The following RTL4 variants were observed in gnomAD, a reference collection of about 807,000 sequenced individuals.
The protein encoded by RTL4 is retrotransposon Gag like 4, also known as retrotransposon Gag-like protein 4.
A neutral mutation model predicts 5.3 loss-of-function variants in RTL4; 4 were observed. That is an observed-to-expected ratio of 0.75 (90% CI 0.37 to 1.72). RTL4 has a LOEUF of 1.72. Among genes scored for constraint, RTL4 ranks in the 40% most tolerant of loss-of-function variants. RTL4 has a pLI of 0.04. For synonymous variants in RTL4, 98 were observed against 87.3 expected (o/e 1.12, Z -0.68); for missense variants, 260 against 227.1 (o/e 1.14, Z -0.93).
At chrX:112,404,230 G>T in the RTL4 span, among the ~76,000 whole-genome samples, 19 of 111,927 alleles carry the variant, frequency 1.7e-4, no homozygotes, top group Middle Eastern at 4.6e-3. Context: ...CTGTTTATTA[G>T]CACAATTACA....
chrX:112,250,343 T>G, the RTL4 span, among the ~76,000 whole-genome samples: 1 of 111,722 alleles, frequency 9.0e-6, no homozygotes, highest in Non-Finnish European at 1.9e-5. Context: ...GTTTCTTAGT[T>G]TTTTGTTTTG....
At chrX:112,280,495 C>G in the RTL4 span, among the ~76,000 whole-genome samples, 1 of 110,605 alleles carries the variant, frequency 9.0e-6, no homozygotes, top group Non-Finnish European at 1.9e-5. Context: ...GTTTTTCTTT[C>G]TTTGTTTTTT....
chrX:112,414,163 A>G, the RTL4 span, among the ~76,000 whole-genome samples: 1 of 111,014 alleles, frequency 9.0e-6, no homozygotes, highest in Non-Finnish European at 1.9e-5. Context: ...CTGCTTGTTC[A>G]TTTCCTTTCC....
the RTL4 span, among the ~76,000 whole-genome samples, chrX:112,158,646 T>C: frequency 9.0e-6 from 1 of 111,239 alleles, no homozygotes; most frequent in East Asian, 2.8e-4. Flanking sequence ...TATGCATGCC[T>C]CTATAACATT....
At chrX:112,097,592 C>T in the RTL4 span, among the ~76,000 whole-genome samples, 7 of 111,529 alleles carry the variant, frequency 6.3e-5, no homozygotes, top group South Asian at 3.8e-4. Context: ...GCTGAGATTA[C>T]GCCATCACGC....
the RTL4 span, among the ~76,000 whole-genome samples, chrX:112,100,358 A>C: frequency 9.0e-6 from 1 of 111,538 alleles, no homozygotes; most frequent in Non-Finnish European, 1.9e-5. Flanking sequence ...GAATTAAATG[A>C]AAAAGCAAGA....
At chrX:112,251,891 G>A in the RTL4 span, among the ~76,000 whole-genome samples, 1 of 111,800 alleles carries the variant, frequency 8.9e-6, no homozygotes, top group African/African-American at 3.3e-5. Flanking sequence ...TTGATTCATA[G>A]AATTTACTTG....
chrX:112,250,643 G>A, the RTL4 span, among the ~76,000 whole-genome samples: 1 of 112,360 alleles, frequency 8.9e-6, no homozygotes, highest in South Asian at 3.7e-4. Context: ...CCCTCTGTAT[G>A]CAGATCTCTT....
the RTL4 span, among the ~76,000 whole-genome samples, chrX:112,384,850 G>A: frequency 2.7e-5 from 3 of 111,681 alleles, no homozygotes; most frequent in Non-Finnish European, 3.8e-5. Flanking sequence ...AGCACGGAAT[G>A]TTTTTCCATT....
the RTL4 span, among the ~76,000 whole-genome samples, chrX:112,250,139 C>A: frequency 9.1e-6 from 1 of 110,047 alleles, no homozygotes; most frequent in East Asian, 2.9e-4. Context: ...ATTAGCTGGG[C>A]GTGGTGGCTG....
chrX:112,293,025 G>T, the RTL4 span, among the ~76,000 whole-genome samples: 2 of 111,771 alleles, frequency 1.8e-5, no homozygotes, highest in African/African-American at 6.5e-5. Flanking sequence ...ATTGCTAATA[G>T]CAACACAGAC....
At chrX:112,140,469 C>T in the RTL4 span, among the ~76,000 whole-genome samples, 1 of 111,814 alleles carries the variant, frequency 8.9e-6, no homozygotes, top group African/African-American at 3.3e-5. Context: ...TTAAAAGCAA[C>T]AGAAATGTAT....
At chrX:112,312,428 G>A in the RTL4 span, among the ~76,000 whole-genome samples, 5 of 111,959 alleles carry the variant, frequency 4.5e-5, no homozygotes, top group South Asian at 3.7e-4. Flanking sequence ...ATAAGTTAAT[G>A]TATTTTGGAG....
chrX:112,227,891 G>C, the RTL4 span, among the ~76,000 whole-genome samples: 4 of 110,918 alleles, frequency 3.6e-5, no homozygotes, highest in Non-Finnish European at 7.5e-5. Flanking sequence ...AAAAATGGAG[G>C]TGTTGTGGCT....
the RTL4 span, among the ~76,000 whole-genome samples, chrX:112,256,101 A>G: frequency 8.9e-6 from 1 of 112,338 alleles, no homozygotes; most frequent in Non-Finnish European, 1.9e-5. Flanking sequence ...TTTAGAGCAT[A>G]TGCAATGATA....
chrX:112,451,067 G>T (rs1432829918), upstream of RTL4, among the ~76,000 whole-genome samples: 1 of 111,624 alleles, frequency 9.0e-6, no homozygotes, highest in Admixed American at 9.5e-5. Context: ...ATGTTTCCCA[G>T]ACATTGCTGA....
At chrX:112,330,041 ACAGCCAATAT>A in the RTL4 span, among the ~76,000 whole-genome samples, 1 of 102,049 alleles carries the variant, frequency 9.8e-6, no homozygotes, top group East Asian at 3.0e-4. Context: ...TGACAAACCC[ACAGCCAATAT>A]CATACTGAAT....
At chrX:112,379,490 C>T in the RTL4 span, among the ~76,000 whole-genome samples, 1 of 111,791 alleles carries the variant, frequency 8.9e-6, no homozygotes, top group Non-Finnish European at 1.9e-5. Context: ...TTTTTTAATT[C>T]TTCTGCCTTT....
the RTL4 span, among the ~76,000 whole-genome samples, chrX:112,390,161 T>TA: frequency 1.0e-4 from 4 of 39,974 alleles, no homozygotes; most frequent in South Asian, 1.8e-3. Flanking sequence ...ATATATATAT[T>TA]TAGGATCGTG....
Sources: gnomAD v4.1 joint callset for allele counts (sites outside exome capture counted in the v4.1 genomes callset) on GRCh38, gnomAD v4.1.1 for gene constraint, MANE v1.5 for transcripts, NCBI Gene and HGNC (gene_info 2026-07-23, HGNC 2026-07-21) for gene names.